The following RGS6 variants were observed in gnomAD, a reference collection of about 807,000 sequenced individuals.
The protein encoded by RGS6 is regulator of G protein signaling 6, also known as regulator of G-protein signaling 6.
A neutral mutation model predicts 78.5 loss-of-function variants in RGS6; 30 were observed. That is an observed-to-expected ratio of 0.38 (90% CI 0.29 to 0.52). The LOEUF (loss-of-function observed/expected upper bound fraction) is 0.52, where lower values mean the gene tolerates loss of function less well. RGS6 is among the 20% of genes least tolerant of loss of function. The probability of loss-of-function intolerance (pLI) is 0.85; values close to 1 mark genes in which losing one functional copy is unlikely to be tolerated. For synonymous variants in RGS6, 206 were observed against 206.0 expected, an observed-to-expected ratio of 1.00 and a Z score of 0.00; for missense variants, 495 against 609.7, an observed-to-expected ratio of 0.81 and a Z score of 1.98.
chr14:72,372,482 AT>A (rs2083710188), intron 3 of RGS6, among the ~76,000 whole-genome samples: 1 of 152,170 alleles, frequency 6.6e-6, no homozygotes, highest in Non-Finnish European at 1.5e-5. Flanking sequence ...CTAGAATATT[AT>A]TTTTTATAAG....
At chr14:72,536,080 A>G in intron 15 of RGS6, 106 bp from the exon 16 acceptor site, 4 of 817,162 alleles carry the variant, frequency 4.9e-6, no homozygotes, top group Admixed American at 1.8e-5. Flanking sequence ...AAACATACCT[A>G]GGTTCCTTCA....
chr14:72,324,364 C>CT (rs371389506), intron 2 of RGS6, among the ~76,000 whole-genome samples: 17 of 149,182 alleles, frequency 1.1e-4, no homozygotes, highest in Middle Eastern at 3.5e-3. Context: ...AAGGACTATT[C>CT]TTTTTTTTTT....
chr14:72,454,697 G>A, intron 4 of RGS6, 119 bp downstream of exon 4: 1 of 705,074 alleles, frequency 1.4e-6, no homozygotes, highest in Admixed American at 2.6e-5. Flanking sequence ...TGAATTCCAA[G>A]ACGTGGAATC....
the RGS6 span, among the ~76,000 whole-genome samples, chr14:71,901,763 A>G: frequency 1.3e-5 from 2 of 152,134 alleles, no homozygotes. Flanking sequence ...TATGATAGCC[A>G]TGTCTCCTTG....
chr14:71,929,355 T>A (rs1214371711), upstream of RGS6, among the ~76,000 whole-genome samples: 1 of 152,210 alleles, frequency 6.6e-6, no homozygotes, highest in East Asian at 1.9e-4. Context: ...ACAGGCCAGT[T>A]ATTTGATTTT....
chr14:72,331,460 T>C (rs1160385525), intron 2 of RGS6, among the ~76,000 whole-genome samples: 2 of 152,102 alleles, frequency 1.3e-5, no homozygotes, highest in African/African-American at 4.8e-5. Context: ...TGGAATATGG[T>C]GCAGTATTCA....
intron 2 of RGS6, among the ~76,000 whole-genome samples, chr14:72,242,482 A>C (rs1042584043): frequency 1.3e-5 from 2 of 152,208 alleles, no homozygotes; most frequent in South Asian, 4.1e-4. Context: ...GTCCAAGTGC[A>C]TCCCCATACT....
intron 2 of RGS6, among the ~76,000 whole-genome samples, chr14:72,201,973 A>G (rs927794100): frequency 6.6e-6 from 1 of 152,230 alleles, no homozygotes; most frequent in Non-Finnish European, 1.5e-5. Context: ...TAAAAACAAC[A>G]TTATTCACCA....
chr14:72,203,032 A>T (rs201116928), intron 2 of RGS6, among the ~76,000 whole-genome samples: 1 of 151,752 alleles, frequency 6.6e-6, no homozygotes, highest in African/African-American at 2.4e-5. Flanking sequence ...CCGCCACCAC[A>T]CCCGGCTAAT....
chr14:72,574,620 A>G, the RGS6 span, among the ~76,000 whole-genome samples: 1 of 152,222 alleles, frequency 6.6e-6, no homozygotes, highest in Non-Finnish European at 1.5e-5. Flanking sequence ...TTGTCCTCGA[A>G]GACCACACCT....
chr14:72,215,527 G>T (rs992570385), intron 2 of RGS6, among the ~76,000 whole-genome samples: 9 of 152,166 alleles, frequency 5.9e-5, no homozygotes, highest in Non-Finnish European at 1.3e-4. Flanking sequence ...AAAGAGGCAG[G>T]GTCATTTATA....
At chr14:72,536,151 C>A (rs1197151972) in intron 15 of RGS6, 35 bp from the exon 16 acceptor site, 3 of 1,485,306 alleles carry the variant, frequency 2.0e-6, no homozygotes, top group Non-Finnish European at 2.8e-6. Flanking sequence ...GGTTGACAGC[C>A]CTTCCTTGTG....
At chr14:72,458,952 C>G (rs906477860) in intron 5 of RGS6, among the ~76,000 whole-genome samples, 2 of 152,220 alleles carry the variant, frequency 1.3e-5, no homozygotes, top group Non-Finnish European at 2.9e-5. Flanking sequence ...ACACTTTGTA[C>G]AGATTTCCTC....
intron 2 of RGS6, among the ~76,000 whole-genome samples, chr14:72,277,913 G>A (rs1037485463): frequency 2.6e-5 from 4 of 152,108 alleles, no homozygotes; most frequent in South Asian, 2.1e-4. Context: ...GGACGACAAC[G>A]AGACTATGTC....
the RGS6 span, among the ~76,000 whole-genome samples, chr14:71,887,182 TCTTTA>T: frequency 2.6e-5 from 4 of 152,240 alleles, no homozygotes; most frequent in Non-Finnish European, 5.9e-5. Flanking sequence ...CTTATGCCTG[TCTTTA>T]CTTTAATTTC....
At chr14:72,164,415 G>A (rs555239805) in intron 2 of RGS6, among the ~76,000 whole-genome samples, 1 of 152,308 alleles carries the variant, frequency 6.6e-6, no homozygotes, top group East Asian at 1.9e-4. Flanking sequence ...TGCCTGGCCA[G>A]CCATGAGGTC....
intron 3 of RGS6, among the ~76,000 whole-genome samples, chr14:72,402,187 C>T (rs890871699): frequency 9.2e-5 from 14 of 152,150 alleles, no homozygotes; most frequent in Non-Finnish European, 4.4e-5. Flanking sequence ...TGGTCCATTC[C>T]GTCCAAGATC....
chr14:72,178,723 T>C (rs1264822759), intron 2 of RGS6, among the ~76,000 whole-genome samples: 1 of 152,216 alleles, frequency 6.6e-6, no homozygotes, highest in Non-Finnish European at 1.5e-5. Context: ...AGGGATAGGC[T>C]ACCTAAATTG....
chr14:72,390,469 TATAG>T (rs2089662055), intron 3 of RGS6, among the ~76,000 whole-genome samples: 1 of 152,020 alleles, frequency 6.6e-6, no homozygotes, highest in Admixed American at 6.6e-5. Context: ...AAGTCCTCAT[TATAG>T]ATGGGACAAA....
Sources: gnomAD v4.1 joint callset for allele counts (sites outside exome capture counted in the v4.1 genomes callset) on GRCh38, gnomAD v4.1.1 for gene constraint, MANE v1.5 for transcripts, NCBI Gene and HGNC (gene_info 2026-07-23, HGNC 2026-07-21) for gene names.